The following LAMA3 variants were observed in gnomAD, a reference collection of about 807,000 sequenced individuals.
The protein encoded by LAMA3 is laminin subunit alpha-3.
A neutral mutation model predicts 402.0 loss-of-function variants in LAMA3; 281 were observed. The observed-to-expected ratio is 0.70, with a 90% CI of 0.63 to 0.77. LAMA3 has a LOEUF of 0.77. Ranked by LOEUF, LAMA3 falls within the 30% of genes least tolerant of loss-of-function variation. The pLI, the probability that LAMA3 is intolerant of heterozygous loss-of-function variation, is 0.00. For synonymous variants in LAMA3, 1,431 were observed against 1,558.4 expected (o/e 0.92, Z 1.93); for missense variants, 3,840 against 4,215.5 (o/e 0.91, Z 2.47).
chr18:23,813,877 G>C (rs1298705565), intron 14 of LAMA3, among the ~76,000 whole-genome samples: 1 of 152,170 alleles, frequency 6.6e-6, no homozygotes, highest in South Asian at 2.1e-4. Context: ...TTTAGAAATT[G>C]TCTGTCTTCT....
At chr18:23,915,528 T>C in intron 59 of LAMA3, 106 bp downstream of exon 59, 1 of 1,084,384 alleles carries the variant, frequency 9.2e-7, no homozygotes, top group South Asian at 1.3e-5. Context: ...TTGATGTTGC[T>C]AGTTGCTTTG....
In LAMA3 at chr18:23,864,828, T is replaced by G. The variant is rs748324645; in HGVS notation, c.4628T>G (p.Phe1543Cys). Residue 1543 changes from phenylalanine to cysteine, a missense_variant, in exon 36 of 75, where the codon TTT becomes TGT. By Grantham distance (205) the Phe-to-Cys change is radical. Around this residue, in one of 3 missense-constraint regions of LAMA3, gnomAD observed 2,109 missense variants for 2,376.0 expected, o/e 0.89. Coordinates refer to ENST00000313654, the MANE Select transcript of LAMA3 (RefSeq NM_198129.4). Reference protein sequence around the residue: ...GGYLTYQAKSFGLPGDMVLLE... With the variant: ...GGYLTYQAKSCGLPGDMVLLE... Reference sequence around the variant, plus strand: ...TACCTCACTTACCAAGCCAAGTCCTTTGGCTTGCCTGGCGACATGGTTCTT... The same window carrying G: ...TACCTCACTTACCAAGCCAAGTCCTGTGGCTTGCCTGGCGACATGGTTCTT... 3.7e-6 allele frequency: 6 copies of G among 1,613,744 alleles called. No homozygotes were observed. In the African/African-American group the frequency reaches 8.0e-5, roughly 22 times the overall value.
intron 56 of LAMA3, among the ~76,000 whole-genome samples, chr18:23,914,060 G>A (rs2081525979): frequency 6.6e-6 from 1 of 152,210 alleles, no homozygotes; most frequent in African/African-American, 2.4e-5. Context: ...AGGATGTTGT[G>A]TGGTACTGGG....
At chr18:23,824,743 A>C (rs1405915506) in intron 21 of LAMA3, among the ~76,000 whole-genome samples, 178 bp downstream of exon 21, 1 of 152,220 alleles carries the variant, frequency 6.6e-6, no homozygotes, top group Non-Finnish European at 1.5e-5. Flanking sequence ...CTCAAATGAC[A>C]TAGGAATCAA....
At chr18:23,785,882 A>G (rs1889318650) in intron 12 of LAMA3, among the ~76,000 whole-genome samples, 1 of 152,226 alleles carries the variant, frequency 6.6e-6, no homozygotes, top group Admixed American at 6.5e-5. Flanking sequence ...GATAATGAAT[A>G]AATAATACAA....
At chr18:23,866,306 C>T (rs1052640351) in intron 36 of LAMA3, among the ~76,000 whole-genome samples, 1 of 152,120 alleles carries the variant, frequency 6.6e-6, no homozygotes, top group South Asian at 2.1e-4. Context: ...GTGATTAATG[C>T]GATGTAATGA....
chr18:23,755,327 T>G (rs2061824297), intron 6 of LAMA3, among the ~76,000 whole-genome samples: 2 of 152,148 alleles, frequency 1.3e-5, no homozygotes, highest in African/African-American at 4.8e-5. Flanking sequence ...GGTGGTTAAT[T>G]CTCCCAATAC....
At position 23,705,450 on chromosome 18, in the gene LAMA3, T is replaced by TACACACACACACAC. The variant is rs35025245; in HGVS notation, c.295-8452_295-8439dup. Among the ~76,000 whole-genome samples, 303 of 145,492 alleles carry TACACACACACACAC rather than the reference T, an allele frequency of 2.1e-3. 1 individual carries two copies. Among genetic ancestry groups the TACACACACACACAC allele is most frequent in the African/African-American group, 6.7e-3 (264 of 39,384 alleles). ...AGCTCGGGAATGTATTATCATGACA[T>TACACACACACACAC]ACACACACACACACACACACACACA... On this transcript the variant is annotated intron_variant, in intron 1 of 74. Transcript: ENST00000313654.
chr18:23,697,700 G>GC (rs2060708753), intron 1 of LAMA3, among the ~76,000 whole-genome samples: 1 of 106,906 alleles, frequency 9.4e-6, no homozygotes, highest in South Asian at 3.0e-4. Context: ...TCCAATACCC[G>GC]CCCCCCGCCC....
intron 44 of LAMA3, 90 bp from the exon 45 acceptor site, chr18:23,898,648 A>C: frequency 1.2e-6 from 1 of 812,482 alleles, no homozygotes; most frequent in Non-Finnish European, 2.2e-6. Flanking sequence ...GGTCTTGCCA[A>C]ATGATTCTTC....
chr18:23,904,559 G>T lies in LAMA3; in HGVS notation c.6480G>T (p.Lys2160Asn). Residue 2160 changes from lysine (K) to asparagine (N), a missense_variant, in exon 51 of 75, where the codon AAG becomes AAT. Physicochemically the swap from Lys to Asn is moderately conservative, Grantham distance 94. Transcript: ENST00000313654. ...QELAKQLEEIKRNASGDELVR... is the reference protein window; with the variant it reads ...QELAKQLEEINRNASGDELVR... The stretch of plus-strand genomic sequence containing the variant: ...AACCTGCCCTGTCTTCCAGGATCAA[G>T]AGAAACGCCAGCGGGGATGAGCTGG... 6.3e-7 allele frequency: 1 copy of T among 1,592,904 alleles called. No individual in the cohort carries two copies. Among genetic ancestry groups the T allele is most frequent in the South Asian group, 1.1e-5 (1 of 88,054 alleles).
chr18:23,832,723 C>T (rs757716476), intron 23 of LAMA3, among the ~76,000 whole-genome samples: 43 of 151,966 alleles, frequency 2.8e-4, no homozygotes, highest in Non-Finnish European at 5.3e-4. Context: ...CCCTCAATAA[C>T]GGATTTGTTA....
chr18:23,740,433 T>C (rs2061542863), intron 2 of LAMA3, among the ~76,000 whole-genome samples: 1 of 152,168 alleles, frequency 6.6e-6, no homozygotes, highest in Non-Finnish European at 1.5e-5. Context: ...AAATCTTTCA[T>C]TAAGATTGTC....
In LAMA3 at chr18:23,894,785, G is replaced by T. The variant is rs575868195; in HGVS notation, c.5462-122G>T. 9.7e-5 allele frequency: 118 copies of T among 1,213,970 alleles called. No homozygotes were observed. The South Asian group carries it at 1.1e-3, about 11-fold the overall frequency. The allele number at this position is 1,213,970 out of a possible 1,614,324, so 75.2% of individuals were successfully genotyped here. A position where few individuals can be genotyped will look rare whatever the true frequency, so the allele number is the denominator to read the frequency against. The stretch of plus-strand genomic sequence containing the variant: ...CACATCCATCCCTGAGAAGGCCAGG[G>T]CTGTGGTTGTCACCCGTGACGATCT... On this transcript the variant is annotated intron_variant, in intron 43 of 74. Transcript: ENST00000313654.
At position 23,706,336 on chromosome 18, in the gene LAMA3, G is replaced by C. The variant is rs143186341; in HGVS notation, c.295-7584G>C. ...GTGCAAGAGTTTCTTTTTGGTTTAT[G>C]AGTTTGAGAGTAGAATGCCGTATCA... On this transcript the variant is annotated intron_variant, in intron 1 of 74. Transcript: ENST00000313654. Among the ~76,000 whole-genome samples, 386 of 152,262 alleles carry C rather than the reference G, an allele frequency of 2.5e-3. 2 individuals carry two copies. Among genetic ancestry groups the C allele is most frequent in the African/African-American group, 9.0e-3 (375 of 41,548 alleles).
chr18:23,929,253 C>T (rs997817989), intron 64 of LAMA3, among the ~76,000 whole-genome samples: 7 of 152,162 alleles, frequency 4.6e-5, no homozygotes, highest in African/African-American at 1.7e-4. Context: ...TTTCTCTTTC[C>T]TCATGTACAA....
intron 42 of LAMA3, among the ~76,000 whole-genome samples, chr18:23,890,849 G>A (rs1487251679): frequency 6.6e-6 from 1 of 152,126 alleles, no homozygotes; most frequent in Non-Finnish European, 1.5e-5. Flanking sequence ...CTAGAATGGG[G>A]TATTTATTGT....
chr18:23,824,496 T>A lies in LAMA3; in HGVS notation c.2502T>A (p.Gly834=). The part of the protein sequence containing the change: ...EPAFVTVPGN[G]FADPFSITPG... ...CCTTTGTCACTGTCCCTGGAAATGG[T>A]TTTGCAGACCCATTTTCAATCACAC... The change falls in exon 21 of 75, where the codon GGT becomes GGA. Residue 834 remains glycine (G), a synonymous_variant. Coordinates refer to ENST00000313654, the MANE Select transcript of LAMA3 (RefSeq NM_198129.4). 1 of 1,614,056 alleles carries A rather than the reference T, an allele frequency of 6.2e-7. No homozygotes were observed. The highest frequency in any genetic ancestry group is 8.5e-7 in the Non-Finnish European group (1 of 1,179,914).
chr18:23,941,016 A>G (rs1161653299), intron 68 of LAMA3, among the ~76,000 whole-genome samples: 1 of 150,618 alleles, frequency 6.6e-6, no homozygotes, highest in East Asian at 1.9e-4. Context: ...GCTCACTGCA[A>G]CTTCCACCTC....
Sources: allele counts gnomAD v4.1 joint callset (sites outside exome capture counted in the v4.1 genomes callset), GRCh38; gene constraint gnomAD v4.1.1; regional missense constraint gnomAD v4.1.1; transcripts MANE v1.5; gene names NCBI Gene and HGNC (gene_info 2026-07-23, HGNC 2026-07-21).